ARFGEF1: variants seen among roughly 807,000 people sequenced by gnomAD.
The protein encoded by ARFGEF1 is ARF guanine nucleotide exchange factor 1, also known as brefeldin A-inhibited guanine nucleotide-exchange protein 1.
Under a neutral mutation model 231.0 loss-of-function variants are expected in ARFGEF1, and 42 were observed. That is an observed-to-expected ratio of 0.18 (90% CI 0.14 to 0.24). The LOEUF is 0.24. ARFGEF1 is among the 10% of genes least tolerant of loss of function. The probability of loss-of-function intolerance (pLI) is 1.00; values close to 1 mark genes in which losing one functional copy is unlikely to be tolerated. For synonymous variants in ARFGEF1, 710 were observed against 732.3 expected (o/e 0.97, Z 0.49); for missense variants, 1,345 against 2,192.0 (o/e 0.61, Z 7.72).
At position 67,259,893 on chromosome 8, in the gene ARFGEF1, G is replaced by A; in HGVS notation, c.2157C>T (p.Tyr719=). ...FNKKPKRGIQ[Y]LQEQGMLGTT... ...TGCCAAGCATCCCTTGTTCTTGGAG[G>A]TACTGTATTCCTCTCTTTGGTTTCT... Residue 719 remains tyrosine, a synonymous_variant, in exon 15 of 39, where the codon TAC becomes TAT. Transcript: ENST00000262215. 1 of 1,611,606 alleles carries A rather than the reference G, an allele frequency of 6.2e-7. No individual in the cohort carries two copies. Among genetic ancestry groups the A allele is most frequent in the Non-Finnish European group, 8.5e-7 (1 of 1,178,694 alleles).
intron 5 of ARFGEF1, among the ~76,000 whole-genome samples, chr8:67,294,859 T>G (rs1806162637): frequency 6.6e-6 from 1 of 152,130 alleles, no homozygotes; most frequent in Non-Finnish European, 1.5e-5. Context: ...GATTTTGGTT[T>G]CTAAATACCA....
chr8:67,272,510 A>C (rs1302828386), intron 9 of ARFGEF1, among the ~76,000 whole-genome samples: 2 of 152,136 alleles, frequency 1.3e-5, no homozygotes, highest in African/African-American at 2.4e-5. Flanking sequence ...AATATTTAAC[A>C]TCAACGTATT....
chr8:67,257,243 G>A (rs1840487224), intron 17 of ARFGEF1, among the ~76,000 whole-genome samples: 1 of 152,064 alleles, frequency 6.6e-6, no homozygotes, highest in South Asian at 2.1e-4. Context: ...ACCATGCCCA[G>A]CTAATTTATG....
In ARFGEF1 at chr8:67,227,980, C is replaced by T; in HGVS notation, c.3574G>A (p.Gly1192Arg). The T allele has an allele frequency of 2.5e-6, 4 of 1,579,130 alleles. No individual in the cohort carries two copies. Among genetic ancestry groups the T allele is most frequent in the Non-Finnish European group, 3.4e-6 (4 of 1,170,438 alleles). The change falls in exon 25 of 39, where the codon GGA (glycine) becomes AGA (arginine). Residue 1192 changes from glycine to arginine, a missense_variant. Physicochemically the swap from Gly to Arg is moderately radical, Grantham distance 125 (BLOSUM62 -2). Coordinates refer to ENST00000262215, the MANE Select transcript of ARFGEF1 (RefSeq NM_006421.5). Reference sequence around the variant, plus strand: ...TCAAATACCTTATTAAAATGATCTCCAATAACTTCCCAAATTCGAGACCAC... The same window carrying T: ...TCAAATACCTTATTAAAATGATCTCTAATAACTTCCCAAATTCGAGACCAC... ...LQWSRIWEVIGDHFNKVGCNP... is the reference protein window; with the variant it reads ...LQWSRIWEVIRDHFNKVGCNP...
intron 1 of ARFGEF1, among the ~76,000 whole-genome samples, chr8:67,304,488 C>A (rs112278572): frequency 4.6e-5 from 7 of 152,144 alleles, no homozygotes; most frequent in Non-Finnish European, 5.9e-5. Flanking sequence ...TAAAATTGCA[C>A]GGCTCACCAA....
At chr8:67,334,957 G>C (rs775461578) in intron 1 of ARFGEF1, among the ~76,000 whole-genome samples, 16 of 152,126 alleles carry the variant, frequency 1.1e-4, no homozygotes, top group Non-Finnish European at 1.0e-4. Context: ...GATTTATGCT[G>C]ATGGCTGCAT....
intron 14 of ARFGEF1, among the ~76,000 whole-genome samples, chr8:67,263,395 T>C (rs945367124): frequency 2.6e-5 from 4 of 152,310 alleles, no homozygotes; most frequent in South Asian, 4.1e-4. Context: ...AAAACAGAAA[T>C]CTGATGATGC....
At chr8:67,338,114 C>T (rs6472296) in intron 1 of ARFGEF1, among the ~76,000 whole-genome samples, 92,542 of 152,066 alleles carry the variant, frequency 0.61, 30,984 homozygotes, top group African/African-American at 0.91. Context: ...AAATGAGTTA[C>T]CTGCCCCTAG....
intron 22 of ARFGEF1, among the ~76,000 whole-genome samples, chr8:67,235,911 T>A (rs1839716653): frequency 6.6e-6 from 1 of 152,130 alleles, no homozygotes; most frequent in African/African-American, 2.4e-5. Context: ...AGTACAGACT[T>A]TTTTTCTATC....
chr8:67,251,502 T>C, intron 18 of ARFGEF1, 52 bp from the exon 19 acceptor site: 1 of 1,448,796 alleles, frequency 6.9e-7, no homozygotes, highest in South Asian at 1.5e-5. Context: ...TTAAGAATTC[T>C]ATTTTGATAT....
At chr8:67,284,690 G>C (rs1226016714) in intron 7 of ARFGEF1, among the ~76,000 whole-genome samples, 1 of 152,130 alleles carries the variant, frequency 6.6e-6, no homozygotes, top group Non-Finnish European at 1.5e-5. Context: ...TGTGGTATTG[G>C]ACGTGAAGTA....
intron 5 of ARFGEF1, among the ~76,000 whole-genome samples, chr8:67,295,453 A>G (rs1045939929): frequency 6.6e-6 from 1 of 152,206 alleles, no homozygotes; most frequent in Non-Finnish European, 1.5e-5. Flanking sequence ...ACTGAAAAGG[A>G]CACAACATTG....
At chr8:67,244,262 A>AC (rs1450628737) in intron 19 of ARFGEF1, among the ~76,000 whole-genome samples, 1 of 25,632 alleles carries the variant, frequency 3.9e-5, no homozygotes, top group African/African-American at 2.3e-4. Flanking sequence ...AAAAAAAAAA[A>AC]AAAAAACATT....
At chr8:67,270,675 T>C (rs1049310702) in intron 10 of ARFGEF1, among the ~76,000 whole-genome samples, 7 of 149,642 alleles carry the variant, frequency 4.7e-5, no homozygotes, top group African/African-American at 1.7e-4. Context: ...TTAAGTTTTA[T>C]TTGAAGATGA....
intron 29 of ARFGEF1, among the ~76,000 whole-genome samples, chr8:67,220,622 C>G (rs1318180467): frequency 7.2e-5 from 11 of 152,174 alleles, no homozygotes; most frequent in African/African-American, 2.4e-4. Flanking sequence ...TAAAGAAACT[C>G]CCGGGAAAGA....
chr8:67,183,364 T>C (rs930950228), intron 5 of ARFGEF1, among the ~76,000 whole-genome samples: 1 of 152,178 alleles, frequency 6.6e-6, no homozygotes, highest in Non-Finnish European at 1.5e-5. Flanking sequence ...CAGGGTCACA[T>C]GGAACATTCA....
chr8:67,225,257 C>A (rs1839332206), intron 28 of ARFGEF1, among the ~76,000 whole-genome samples: 2 of 152,068 alleles, frequency 1.3e-5, no homozygotes, highest in African/African-American at 4.8e-5. Context: ...GACTAGAATC[C>A]AAAAGTTAGC....
chr8:67,268,893 A>G (rs1156600851), intron 10 of ARFGEF1, among the ~76,000 whole-genome samples: 1 of 152,208 alleles, frequency 6.6e-6, no homozygotes, highest in Admixed American at 6.5e-5. Flanking sequence ...CTTTCATGAA[A>G]AGTCAGACTT....
At chr8:67,316,816 G>A (rs1269723731) in intron 1 of ARFGEF1, among the ~76,000 whole-genome samples, 1 of 152,140 alleles carries the variant, frequency 6.6e-6, no homozygotes, top group Non-Finnish European at 1.5e-5. Flanking sequence ...CAGGGAGGGA[G>A]CCTCTAAACC....
Sources: allele counts gnomAD v4.1 joint callset (sites outside exome capture counted in the v4.1 genomes callset), GRCh38; gene constraint gnomAD v4.1.1; transcripts MANE v1.5; gene names NCBI Gene and HGNC (gene_info 2026-07-23, HGNC 2026-07-21).